ECHS1: variants seen among roughly 807,000 people sequenced by gnomAD.
ECHS1 encodes the protein enoyl-CoA hydratase, mitochondrial.
In ECHS1, 19 loss-of-function variants were observed where a neutral mutation model predicts 33.5. The observed-to-expected ratio is 0.57, with a 90% CI of 0.40 to 0.83. The LOEUF (loss-of-function observed/expected upper bound fraction) is 0.83, where lower values mean the gene tolerates loss of function less well. Ranked by LOEUF, ECHS1 falls within the 40% of genes least tolerant of loss-of-function variation. The pLI, the probability that ECHS1 is intolerant of heterozygous loss-of-function variation, is 0.00. For synonymous variants in ECHS1, 158 were observed against 146.6 expected (o/e 1.08, Z -0.56); for missense variants, 365 against 381.3 (o/e 0.96, Z 0.36).
At position 133,370,718 on chromosome 10, in the gene ECHS1, T is replaced by C; in HGVS notation, c.128A>G (p.Lys43Arg). 1 of 1,612,332 alleles carries C rather than the reference T, an allele frequency of 6.2e-7. No individual in the cohort carries two copies. Among genetic ancestry groups the C allele is most frequent in the Non-Finnish European group, 8.5e-7 (1 of 1,179,474 alleles). Residue 43 changes from lysine (K) to arginine (R), a missense_variant, in exon 2 of 8, where the codon AAG becomes AGG. Physicochemically the swap from Lys to Arg is conservative, Grantham distance 26 (BLOSUM62 2). Transcript: ENST00000368547. ...TTGGATCAACCCCACGGTGTTATTC[T>C]TCCCTCTTTTTTCTGCGATGATGTA... ...FEYIIAEKRGKNNTVGLIQLN... is the reference protein window; with the variant it reads ...FEYIIAEKRGRNNTVGLIQLN...
intron 6 of ECHS1, among the ~76,000 whole-genome samples, chr10:133,365,171 A>G (rs1252250441): frequency 6.6e-6 from 1 of 152,262 alleles, no homozygotes; most frequent in Non-Finnish European, 1.5e-5. Context: ...GAGGCCAAGC[A>G]GAGCAGATCC....
rs921686244 is a variant in ECHS1, at chr10:133,373,289, C to T, written c.45G>A (p.Leu15=). 1.3e-5 allele frequency: 20 copies of T among 1,482,066 alleles called. No homozygotes were observed. In the Admixed American group the frequency reaches 1.4e-4, roughly 10 times the overall value. The allele number at this position is 1,482,066 out of a possible 1,614,324, so 91.8% of individuals were successfully genotyped here. A position where few individuals can be genotyped will look rare whatever the true frequency, so the allele number is the denominator to read the frequency against. The part of the protein sequence containing the change: ...RVLLSCVRGP[L]RPPVRCPAWR... Reference sequence around the variant, plus strand: ...AGGCGGGACAGCGAACCGGGGGCCTCAGCGGGCCGCGGACGCAGGACAGCA... The same window carrying T: ...AGGCGGGACAGCGAACCGGGGGCCTTAGCGGGCCGCGGACGCAGGACAGCA... The change falls in exon 1 of 8, where the codon CTG becomes CTA. Residue 15 remains leucine (L), a synonymous_variant. Transcript: ENST00000368547.
At chr10:133,363,006 G>A (rs532299045) in intron 7 of ECHS1, 73 bp from the exon 8 acceptor site, 27 of 1,551,512 alleles carry the variant, frequency 1.7e-5, no homozygotes, top group East Asian at 4.5e-5. Flanking sequence ...ATGTCCGCCC[G>A]TCTCTCCCTG....
At chr10:133,371,693 T>C (rs1184315242) in intron 1 of ECHS1, 1 of 154,608 alleles carries the variant, frequency 6.5e-6, no homozygotes. Context: ...CAAAGGACAA[T>C]GGCGTTCCAG....
intron 2 of ECHS1, 21 bp from the exon 3 acceptor site, chr10:133,370,052 G>A (rs1849083474): frequency 1.2e-6 from 2 of 1,613,110 alleles, no homozygotes; most frequent in Non-Finnish European, 1.7e-6. Flanking sequence ...TGGAAAGGAG[G>A]TTCCAGTTAC....
At chr10:133,365,189 C>A (rs1849012826) in intron 6 of ECHS1, among the ~76,000 whole-genome samples, 1 of 152,224 alleles carries the variant, frequency 6.6e-6, no homozygotes, top group African/African-American at 2.4e-5. Context: ...TCCAGGTGCG[C>A]AGATGGAGGC....
At chr10:133,369,655 C>T (rs1018825681) in intron 3 of ECHS1, among the ~76,000 whole-genome samples, 7 of 152,158 alleles carry the variant, frequency 4.6e-5, no homozygotes, top group African/African-American at 1.7e-4. Flanking sequence ...AAAGCCAACA[C>T]CTCTCTTCCC....
At chr10:133,370,862 A>G in intron 1 of ECHS1, 105 bp from the exon 2 acceptor site, 1 of 1,156,874 alleles carries the variant, frequency 8.6e-7, no homozygotes, top group Non-Finnish European at 1.2e-6. Flanking sequence ...TGACCCCAAG[A>G]GGCCCTCTGA....
chr10:133,366,233 G>A, intron 5 of ECHS1, 138 bp from the exon 6 acceptor site: 1 of 987,238 alleles, frequency 1.0e-6, no homozygotes, highest in Non-Finnish European at 1.5e-6. Context: ...TTCCACACGG[G>A]AAGTGCCGCA....
Position 133,373,306 on chromosome 10 carries a change from A to T in ECHS1, c.28T>A (p.Cys10Ser). 6.7e-7 allele frequency: 1 copy of T among 1,496,014 alleles called. No homozygotes were observed. The highest frequency in any genetic ancestry group is 8.9e-7 in the Non-Finnish European group (1 of 1,128,844). 92.7% of individuals were successfully genotyped at this position (1,496,014 alleles called of 1,614,324 possible). Residue 10 changes from cysteine to serine, a missense_variant, in exon 1 of 8, where the codon TGC (cysteine) becomes AGC (serine). Physicochemically the swap from Cys to Ser is moderately radical, Grantham distance 112 (BLOSUM62 -1). Coordinates refer to ENST00000368547, the MANE Select transcript of ECHS1 (RefSeq NM_004092.4). ...GGGGGCCTCAGCGGGCCGCGGACGC[A>T]GGACAGCAGGACACGCAGGGCGGCC... is the stretch of plus-strand genomic sequence containing the variant. Reference protein sequence around the residue: MAALRVLLSCVRGPLRPPVR... With the variant: MAALRVLLSSVRGPLRPPVR...
rs1849040689 is a variant in ECHS1 at position 133,366,833 on chromosome 10, G to C, written c.619+56C>G. 8 of 1,422,152 alleles carry C rather than the reference G, an allele frequency of 5.6e-6. No homozygotes were observed. The Middle Eastern group carries it at 7.9e-4, about 141-fold the overall frequency. 88.1% of individuals were successfully genotyped at this position (1,422,152 alleles called of 1,614,324 possible). On this transcript the variant is annotated intron_variant, in intron 5 of 7. Coordinates refer to ENST00000368547, the MANE Select transcript of ECHS1 (RefSeq NM_004092.4). Reference sequence around the variant, plus strand: ...CACCTGGATGCCGCCCTGGGTTTCTGTGGGGCTCCCACCCCGGGTTTCCAG... The same window carrying C: ...CACCTGGATGCCGCCCTGGGTTTCTCTGGGGCTCCCACCCCGGGTTTCCAG...
At position 133,370,774 on chromosome 10, in the gene ECHS1, A is replaced by G. The variant is rs1849097890; in HGVS notation, c.89-17T>C. 1.2e-6 allele frequency: 2 copies of G among 1,603,244 alleles called. No individual in the cohort carries two copies. The highest frequency in any genetic ancestry group is 2.2e-5 in the East Asian group (1 of 44,760). ...AGTTAGCACCTGGAGCAAGAAGGCA[A>G]AAAGGGGTATCTATTCACACAGGTA... On this transcript the variant is annotated splice_polypyrimidine_tract_variant and intron_variant, in intron 1 of 7. Transcript: ENST00000368547.
At chr10:133,368,041 C>T (rs1459649112) in intron 4 of ECHS1, among the ~76,000 whole-genome samples, 1 of 152,124 alleles carries the variant, frequency 6.6e-6, no homozygotes, top group Non-Finnish European at 1.5e-5. Context: ...TATTGGTCCC[C>T]CAGGCCCAGC....
intron 4 of ECHS1, among the ~76,000 whole-genome samples, chr10:133,367,824 G>T (rs1392553486): frequency 6.6e-6 from 1 of 151,942 alleles, no homozygotes; most frequent in East Asian, 1.9e-4. Flanking sequence ...TAAGTGCATA[G>T]AAGAAAATGC....
At chr10:133,368,846 G>A in intron 4 of ECHS1, 77 bp downstream of exon 4, 7 of 1,362,566 alleles carry the variant, frequency 5.1e-6, no homozygotes, top group Non-Finnish European at 7.3e-6. Context: ...TCAGATATGA[G>A]CTGTGGGCCC....
rs56055735 is a variant in ECHS1, at chr10:133,365,859, G to C, written c.739+117C>G. 436,736 of 1,284,498 alleles carry C rather than the reference G, an allele frequency of 0.34. 75,257 individuals carry two copies. The highest frequency in any genetic ancestry group is 0.4 in the East Asian group (17,082 of 42,792). 79.6% of individuals were successfully genotyped at this position (1,284,498 alleles called of 1,614,324 possible). A position where few individuals can be genotyped will look rare whatever the true frequency, so the allele number is the denominator to read the frequency against. ...GACAGCAGAACTGAGACACTGAGAA[G>C]CATTTCTGCCCAGGAGGGCTTAAGG... On this transcript the variant is annotated intron_variant, in intron 6 of 7. Transcript: ENST00000368547.
In ECHS1 at chr10:133,362,895, CT is replaced by C; in HGVS notation, c.845del (p.Lys282ArgfsTer34). On this transcript the variant is annotated frameshift_variant, in exon 8 of 8. Transcript: ENST00000368547. LOFTEE classifies it high-confidence loss of function. ...ACTGGTCTTTGAAGTTGGCCTTTCT[CT>C]TTTCCACAAACGCGGTCATCCCTTC... ...RKEGMTAFVE[K>X]RKANFKDQ 1 of 1,614,196 alleles carries C rather than the reference CT, an allele frequency of 6.2e-7. No homozygotes were observed. Among genetic ancestry groups the C allele is most frequent in the South Asian group, 1.1e-5 (1 of 91,086 alleles).
At chr10:133,367,159 C>A (rs1485401591) in intron 4 of ECHS1, among the ~76,000 whole-genome samples, 166 bp from the exon 5 acceptor site, 3 of 152,220 alleles carry the variant, frequency 2.0e-5, no homozygotes, top group Non-Finnish European at 4.4e-5. Flanking sequence ...GGGGCAGCAG[C>A]CCCTTTTCAA....
intron 3 of ECHS1, 77 bp downstream of exon 3, chr10:133,369,827 A>G: frequency 6.5e-7 from 1 of 1,541,568 alleles, no homozygotes; most frequent in Non-Finnish European, 8.7e-7. Flanking sequence ...CTTCAAAATA[A>G]AAATCTGTTA....
Sources: allele counts gnomAD v4.1 joint callset (sites outside exome capture counted in the v4.1 genomes callset), GRCh38; gene constraint gnomAD v4.1.1; transcripts MANE v1.5; gene names NCBI Gene and HGNC (gene_info 2026-07-23, HGNC 2026-07-21).